ACSS1: variants seen among roughly 807,000 people sequenced by gnomAD.
ACSS1 encodes the protein acyl-CoA synthetase short chain family member 1, also known as acetyl-coenzyme A synthetase 2-like, mitochondrial.
In ACSS1, 42 loss-of-function variants were observed where a neutral mutation model predicts 75.3. That is an observed-to-expected ratio of 0.56 (90% CI 0.44 to 0.72). The LOEUF (loss-of-function observed/expected upper bound fraction) is 0.72, where lower values mean the gene tolerates loss of function less well. Ranked by LOEUF, ACSS1 falls within the 30% of genes least tolerant of loss-of-function variation. ACSS1 has a pLI of 0.00. For missense variants in ACSS1, 782 were observed against 935.7 expected (o/e 0.84, Z 2.14); for synonymous variants, 380 against 376.8 (o/e 1.01, Z -0.10).
At chr20:25,046,355 A>G (rs1024672116) in intron 2 of ACSS1, 2 of 159,958 alleles carry the variant, frequency 1.3e-5, no homozygotes, top group African/African-American at 4.8e-5. Context: ...GAATTCTCAC[A>G]TGGTTTATGT....
intron 2 of ACSS1, among the ~76,000 whole-genome samples, chr20:25,036,343 T>C (rs2088906999): frequency 6.6e-6 from 1 of 152,178 alleles, no homozygotes; most frequent in Non-Finnish European, 1.5e-5. Context: ...GGAATAACTT[T>C]TATCCAATGC....
At chr20:25,053,801 G>A (rs1205567755) in intron 1 of ACSS1, among the ~76,000 whole-genome samples, 1 of 152,146 alleles carries the variant, frequency 6.6e-6, no homozygotes, top group African/African-American at 2.4e-5. Flanking sequence ...GTTACAAAGA[G>A]GATTTTTACA....
At chr20:25,017,832 G>A (rs1237300787) in intron 7 of ACSS1, among the ~76,000 whole-genome samples, 1 of 152,218 alleles carries the variant, frequency 6.6e-6, no homozygotes, top group Non-Finnish European at 1.5e-5. Context: ...AATCCCATGA[G>A]TGTATCTGGA....
chr20:25,037,682 G>A lies in ACSS1; in HGVS notation c.432-6724C>T, dbSNP rs544290161. On this transcript the variant is annotated intron_variant, in intron 2 of 13. Coordinates refer to ENST00000323482, the MANE Select transcript of ACSS1 (RefSeq NM_032501.4). ...AGCATGCTGTGTCAGGAACATATTCGTAGTAAGAGAAGAAAGGATCAGCCT... is the reference window on the plus strand; with the variant it reads ...AGCATGCTGTGTCAGGAACATATTCATAGTAAGAGAAGAAAGGATCAGCCT... Among the ~76,000 whole-genome samples, 6 of 152,316 alleles carry A rather than the reference G, an allele frequency of 3.9e-5. No homozygotes were observed. The East Asian group carries it at 7.7e-4, about 20-fold the overall frequency.
rs1370311552 is a variant in ACSS1 at position 25,057,864 on chromosome 20, G to A, written c.239C>T (p.Thr80Ile). 2 of 1,612,606 alleles carry A rather than the reference G, an allele frequency of 1.2e-6. No homozygotes were observed. The highest frequency in any genetic ancestry group is 1.7e-6 in the Non-Finnish European group (2 of 1,179,678). The change falls in exon 1 of 14, where the codon ACT (threonine) becomes ATT (isoleucine). Residue 80 changes from threonine (T) to isoleucine (I), a missense_variant. This residue lies in a region of ACSS1 where 377 missense variants were observed against 383.1 expected (regional missense o/e 0.98). Coordinates refer to ENST00000323482, the MANE Select transcript of ACSS1 (RefSeq NM_032501.4). Reference protein sequence around the residue: ...AAFWGPLARDTLVWDTPYHTV... With the variant: ...AAFWGPLARDILVWDTPYHTV... ...GTGGTAGGGGGTGTCCCACACGAGA[G>A]TGTCCCGCGCCAGAGGCCCCCAGAA...
intron 1 of ACSS1, among the ~76,000 whole-genome samples, chr20:25,053,059 G>GTTTT: frequency 2.9e-5 from 4 of 135,822 alleles, no homozygotes; most frequent in African/African-American, 1.3e-4. Context: ...TTCACAATGA[G>GTTTT]CTTTTTTTTT....
At chr20:25,015,291 G>T (rs1211206283) in intron 7 of ACSS1, 61 bp from the exon 8 acceptor site, 1 of 1,447,636 alleles carries the variant, frequency 6.9e-7, no homozygotes, top group Non-Finnish European at 9.5e-7. Flanking sequence ...AAACCAAAGG[G>T]AAGTTTTGTT....
chr20:25,010,666 G>A (rs2088391156), intron 12 of ACSS1: 2 of 152,340 alleles, frequency 1.3e-5, no homozygotes, highest in African/African-American at 4.8e-5. Context: ...AGATCTTTGA[G>A]GGAAAGAACA....
intron 1 of ACSS1, among the ~76,000 whole-genome samples, chr20:25,052,104 A>G (rs1046073034): frequency 6.6e-6 from 1 of 152,132 alleles, no homozygotes; most frequent in African/African-American, 2.4e-5. Context: ...CTTCGCACAT[A>G]GTTATGGTTC....
chr20:25,012,571 C>T, intron 12 of ACSS1, 30 bp downstream of exon 12: 1 of 1,613,618 alleles, frequency 6.2e-7, no homozygotes, highest in South Asian at 1.1e-5. Context: ...GGTCAGGAAT[C>T]AGGGAGGAGC....
intron 4 of ACSS1, 88 bp from the exon 5 acceptor site, chr20:25,023,180 C>T (rs920142613): frequency 1.2e-5 from 17 of 1,474,962 alleles, no homozygotes; most frequent in Non-Finnish European, 1.5e-5. Context: ...ACTCCACACA[C>T]AGGATTCAGA....
intron 3 of ACSS1, among the ~76,000 whole-genome samples, chr20:25,026,715 CA>C: frequency 6.6e-6 from 1 of 152,208 alleles, no homozygotes; most frequent in Non-Finnish European, 1.5e-5. Flanking sequence ...AAAACCAAAA[CA>C]GCCCCTCATT....
intron 8 of ACSS1, among the ~76,000 whole-genome samples, chr20:25,014,785 G>C (rs1568830302): frequency 6.6e-6 from 1 of 152,162 alleles, no homozygotes; most frequent in Admixed American, 6.5e-5. Context: ...TTCAGAAAGG[G>C]GCACTAGGAA....
intron 1 of ACSS1, among the ~76,000 whole-genome samples, chr20:25,056,876 G>T (rs918032903): frequency 6.6e-6 from 1 of 151,728 alleles, no homozygotes; most frequent in African/African-American, 2.4e-5. Context: ...TGCATCCGGA[G>T]CCCACCTCGC....
intron 5 of ACSS1, 65 bp from the exon 6 acceptor site, chr20:25,021,601 A>C: frequency 1.9e-6 from 3 of 1,574,326 alleles, no homozygotes; most frequent in Non-Finnish European, 2.6e-6. Context: ...ACACCAGGTC[A>C]CTAGGAAATA....
chr20:25,028,856 G>C (rs2088774345), intron 3 of ACSS1, among the ~76,000 whole-genome samples: 1 of 151,904 alleles, frequency 6.6e-6, no homozygotes, highest in African/African-American at 2.4e-5. Context: ...GGAGGCGGAG[G>C]TTGCAGTGAG....
At chr20:25,040,498 C>G (rs1401922971) in intron 2 of ACSS1, among the ~76,000 whole-genome samples, 1 of 152,250 alleles carries the variant, frequency 6.6e-6, no homozygotes, top group East Asian at 1.9e-4. Flanking sequence ...TTCCTTGCCT[C>G]TTGGCAGCAG....
At chr20:25,032,302 G>A (rs2088839524) in intron 2 of ACSS1, 2 of 1,263,494 alleles carry the variant, frequency 1.6e-6, no homozygotes, top group Middle Eastern at 2.1e-4. Flanking sequence ...GACCCAACCT[G>A]GTCCAGTCAG....
intron 11 of ACSS1, 33 bp downstream of exon 11, chr20:25,012,779 A>G: frequency 6.2e-7 from 1 of 1,613,506 alleles, no homozygotes; most frequent in Non-Finnish European, 8.5e-7. Flanking sequence ...ATGGAGGTGT[A>G]GGAGTGAAGG....
Sources: gnomAD v4.1 joint callset for allele counts (sites outside exome capture counted in the v4.1 genomes callset) on GRCh38, gnomAD v4.1.1 for gene constraint, gnomAD v4.1.1 regional missense constraint, MANE v1.5 for transcripts, NCBI Gene and HGNC (gene_info 2026-07-23, HGNC 2026-07-21) for gene names.